Variants in MCPH1 observed in about 807,000 individuals in gnomAD.
The protein encoded by MCPH1 is microcephalin 1.
A neutral mutation model predicts 84.5 loss-of-function variants in MCPH1; 104 were observed. That is an observed-to-expected ratio of 1.23 (90% confidence interval 1.05 to 1.45). The LOEUF is 1.45. MCPH1 is among the 40% of genes most tolerant of loss of function. The pLI, the probability that MCPH1 is intolerant of heterozygous loss-of-function variation, is 0.00. For synonymous variants in MCPH1, 514 were observed against 366.8 expected (o/e 1.40, Z -4.58); for missense variants, 1,498 against 1,005.7 (o/e 1.49, Z -6.62).
chr8:6,517,103 A>G (rs1816406126), intron 12 of MCPH1, among the ~76,000 whole-genome samples: 1 of 152,228 alleles, frequency 6.6e-6, no homozygotes, highest in South Asian at 2.1e-4. Flanking sequence ...AGAGTTATCT[A>G]CCCAGCCAGA....
intron 12 of MCPH1, among the ~76,000 whole-genome samples, chr8:6,512,023 C>A (rs1374288883): frequency 1.3e-5 from 2 of 151,124 alleles, no homozygotes; most frequent in Non-Finnish European, 2.9e-5. Context: ...AAGTTTTGAT[C>A]TCTTTGGAGT....
In MCPH1 at chr8:6,562,767, G is replaced by C. The variant is rs1825755516; in HGVS notation, c.2215-58687G>C. On this transcript the variant is annotated intron_variant, in intron 12 of 13. Coordinates refer to ENST00000344683, the MANE Select transcript of MCPH1 (RefSeq NM_024596.5). Reference sequence around the variant, plus strand: ...CAGCATTGGACACGTAGGGGCTGGAGGAAGAGCGGCAGTTGTCCATCTCTG... The same window carrying C: ...CAGCATTGGACACGTAGGGGCTGGACGAAGAGCGGCAGTTGTCCATCTCTG... The C allele has an allele frequency of 1.9e-6, 3 of 1,613,916 alleles. No individual in the cohort carries two copies. The East Asian group carries it at 6.7e-5, about 36-fold the overall frequency.
chr8:6,577,135 C>T (rs944338337), intron 12 of MCPH1, among the ~76,000 whole-genome samples: 1 of 152,182 alleles, frequency 6.6e-6, no homozygotes, highest in Non-Finnish European at 1.5e-5. Flanking sequence ...GTGCTGTGAA[C>T]CTGCTCTCAG....
intron 12 of MCPH1, among the ~76,000 whole-genome samples, chr8:6,516,629 A>G (rs991311766): frequency 3.3e-5 from 5 of 152,334 alleles, no homozygotes; most frequent in African/African-American, 4.8e-5. Flanking sequence ...TTAAAAATCT[A>G]TTTCATAAAC....
At chr8:6,439,530 G>A (rs544607998) in intron 6 of MCPH1, among the ~76,000 whole-genome samples, 9 of 151,144 alleles carry the variant, frequency 6.0e-5, no homozygotes, top group South Asian at 4.2e-4. Context: ...GATTACAGGC[G>A]CCTGTCACCA....
In MCPH1 at chr8:6,468,753, A is replaced by G. The variant is rs568673442; in HGVS notation, c.1936-8841A>G. 2.6e-5 allele frequency among the ~76,000 whole-genome samples: 4 copies of G among 151,582 alleles called. No homozygotes were observed. In the East Asian group the frequency reaches 7.8e-4, roughly 30 times the overall value. On this transcript the variant is annotated intron_variant, in intron 9 of 13. Coordinates refer to ENST00000344683, the MANE Select transcript of MCPH1 (RefSeq NM_024596.5). ...TGGATCACTATTATTGTATTATTTG[A>G]AACTGTTTGGAAAAGGTATTGTAGT...
chr8:6,518,922 T>C (rs80272031), intron 12 of MCPH1, among the ~76,000 whole-genome samples: 1 of 152,118 alleles, frequency 6.6e-6, no homozygotes, highest in African/African-American at 2.4e-5. Context: ...TTTTTTTTTT[T>C]CCTTATCTAA....
chr8:6,443,882 A>G lies in MCPH1; in HGVS notation c.671-511A>G, dbSNP rs559079649. Among the ~76,000 whole-genome samples, 324 of 152,376 alleles carry G rather than the reference A, an allele frequency of 2.1e-3. 2 individuals are homozygous for G. Among genetic ancestry groups the G allele is most frequent in the African/African-American group, 7.6e-3 (316 of 41,596 alleles). ...TACTCTCAGGAAATGAGTAATCCAT[A>G]TAAGAGTTGAAACATTAAAGCCTAC... On this transcript the variant is annotated intron_variant, in intron 7 of 13. Coordinates refer to ENST00000344683, the MANE Select transcript of MCPH1 (RefSeq NM_024596.5).
chr8:6,516,288 G>T (rs189874275), intron 12 of MCPH1, among the ~76,000 whole-genome samples: 1 of 152,170 alleles, frequency 6.6e-6, no homozygotes, highest in South Asian at 2.1e-4. Flanking sequence ...GATACTTTGT[G>T]TATATTATCT....
chr8:6,640,097 T>TGTGTGTGTGTGTGC (rs1242280817), intron 13 of MCPH1, among the ~76,000 whole-genome samples: 3 of 131,416 alleles, frequency 2.3e-5, no homozygotes, highest in Admixed American at 7.5e-5. Context: ...TGTGTGTGTG[T>TGTGTGTGTGTGTGC]GCGCGCGCGT....
intron 13 of MCPH1, among the ~76,000 whole-genome samples, chr8:6,628,923 G>A (rs1055785334): frequency 6.6e-6 from 1 of 152,206 alleles, no homozygotes; most frequent in South Asian, 2.1e-4. Context: ...TGTGTCTTTG[G>A]AGTATGCTGA....
intron 1 of MCPH1, among the ~76,000 whole-genome samples, chr8:6,407,456 C>G (rs2129550437): frequency 6.6e-6 from 1 of 152,210 alleles, no homozygotes; most frequent in South Asian, 2.1e-4. Context: ...CTGTCCTAAC[C>G]AGTATATGAT....
chr8:6,566,451 C>T (rs1826156967), intron 12 of MCPH1, among the ~76,000 whole-genome samples: 1 of 152,178 alleles, frequency 6.6e-6, no homozygotes, highest in Admixed American at 6.5e-5. Context: ...GCGAGCAAGG[C>T]TATTGACACT....
intron 11 of MCPH1, among the ~76,000 whole-genome samples, chr8:6,496,682 T>C (rs1240481929): frequency 6.6e-6 from 1 of 152,204 alleles, no homozygotes; most frequent in African/African-American, 2.4e-5. Context: ...ATAAATGTAG[T>C]GTTATGACTA....
At chr8:6,429,953 T>C (rs1801604296) in intron 3 of MCPH1, among the ~76,000 whole-genome samples, 1 of 152,204 alleles carries the variant, frequency 6.6e-6, no homozygotes, top group African/African-American at 2.4e-5. Context: ...AATTCTTTTT[T>C]TGTTGCTAGT....
intron 12 of MCPH1, among the ~76,000 whole-genome samples, chr8:6,564,232 C>T (rs967379917): frequency 6.6e-6 from 1 of 152,170 alleles, no homozygotes; most frequent in Non-Finnish European, 1.5e-5. Flanking sequence ...CGCCTTTGGC[C>T]TCCCAAAGTG....
chr8:6,615,667 A>G (rs574529078), intron 12 of MCPH1: 1 of 152,354 alleles, frequency 6.6e-6, no homozygotes, highest in East Asian at 1.9e-4. Flanking sequence ...ACTTTTTTGT[A>G]TACAATTCTA....
At chr8:6,519,757 G>A (rs1272126996) in intron 12 of MCPH1, 1 of 1,425,638 alleles carries the variant, frequency 7.0e-7, no homozygotes, top group East Asian at 2.3e-5. Flanking sequence ...TGTACTGTGT[G>A]AGGCTGGGGA....
intron 12 of MCPH1, among the ~76,000 whole-genome samples, chr8:6,509,772 C>T (rs1052965219): frequency 2.6e-5 from 4 of 152,210 alleles, no homozygotes; most frequent in African/African-American, 9.6e-5. Flanking sequence ...AGCATCATAG[C>T]TTAGCTCTAG....
Sources: allele counts gnomAD v4.1 joint callset (sites outside exome capture counted in the v4.1 genomes callset), GRCh38; gene constraint gnomAD v4.1.1; transcripts MANE v1.5; gene names NCBI Gene and HGNC (gene_info 2026-07-23, HGNC 2026-07-21).